The following SGCD variants were observed in gnomAD, a reference collection of about 807,000 sequenced individuals.
SGCD encodes sarcoglycan delta.
In SGCD, 18 loss-of-function variants were observed where a neutral mutation model predicts 36.6. The observed-to-expected ratio is 0.49, with a 90% CI of 0.34 to 0.73. SGCD has a LOEUF of 0.73. Among genes scored for constraint, SGCD ranks in the 30% least tolerant of loss-of-function variants. SGCD has a pLI of 0.01. For missense variants in SGCD, 387 were observed against 346.7 expected (o/e 1.12, Z -0.92); for synonymous variants, 133 against 130.6 (o/e 1.02, Z -0.12).
At chr5:155,890,383 G>A (rs148948600) in intron 1 of SGCD, among the ~76,000 whole-genome samples, 1,716 of 152,250 alleles carry the variant, frequency 0.011, 31 homozygotes, top group African/African-American at 0.038. Context: ...CAGCACTTTG[G>A]GAGACTGAGG....
rs527339658 is a variant in SGCD at position 155,920,155 on chromosome 5, C to T, written c.-282+49731C>T. ...TGAAATGATCAACATCTAACCCTGGCTTCCTGGTTGGGACACACTGCAATA... is the reference window on the plus strand; with the variant it reads ...TGAAATGATCAACATCTAACCCTGGTTTCCTGGTTGGGACACACTGCAATA... On this transcript the variant is annotated intron_variant, in intron 1 of 9. Transcript: ENST00000517913. Among the ~76,000 whole-genome samples the T allele has an allele frequency of 7.9e-5, 12 of 152,292 alleles. No individual in the cohort carries two copies. In the South Asian group the frequency reaches 2.1e-3, roughly 26 times the overall value.
intron 3 of SGCD, among the ~76,000 whole-genome samples, chr5:156,237,078 A>T (rs1277069745): frequency 6.6e-6 from 1 of 151,648 alleles, no homozygotes; most frequent in Non-Finnish European, 1.5e-5. Flanking sequence ...CAGTTGATTC[A>T]TGTGCCTTGG....
rs1581100634 is a variant in SGCD at position 156,512,483 on chromosome 5, A to G, written c.294+3781A>G. Reference sequence around the variant, plus strand: ...GCCTGGGTGTGTAGTAGAGTACACCATCTAGGTTGGTGTAAGGACACTCTA... The same window carrying G: ...GCCTGGGTGTGTAGTAGAGTACACCGTCTAGGTTGGTGTAAGGACACTCTA... On this transcript the variant is annotated intron_variant, in intron 4 of 8. Transcript: ENST00000337851. Among the ~76,000 whole-genome samples the G allele has an allele frequency of 2.6e-5, 4 of 152,310 alleles. No individual in the cohort carries two copies. The South Asian group carries it at 8.3e-4, about 32-fold the overall frequency.
chr5:156,490,857 G>A lies in SGCD; in HGVS notation c.193-17744G>A, dbSNP rs773648574. ...CATAGTACTAGAAGTTCTAGCAAGC[G>A]CATTCAGTCAGGAGGAAAAAATTAA... On this transcript the variant is annotated intron_variant, in intron 3 of 8. Coordinates refer to ENST00000337851, the MANE Select transcript of SGCD (RefSeq NM_000337.6). 5.9e-5 allele frequency among the ~76,000 whole-genome samples: 9 copies of A among 151,998 alleles called. No individual in the cohort carries two copies. In the South Asian group the frequency reaches 6.2e-4, roughly 10 times the overall value.
chr5:156,137,274 C>T (rs1314792236), intron 3 of SGCD, among the ~76,000 whole-genome samples: 1 of 152,216 alleles, frequency 6.6e-6, no homozygotes, highest in Admixed American at 6.5e-5. Context: ...GAAAGCCAGC[C>T]AGTGCTGCAG....
In SGCD at chr5:156,159,958, A is replaced by G. The variant is rs998602415; in HGVS notation, c.-44+35939A>G. Among the ~76,000 whole-genome samples the G allele has an allele frequency of 9.3e-4, 141 of 151,720 alleles. 5 individuals carry two copies. Among genetic ancestry groups the G allele is most frequent in the African/African-American group, 3.3e-3 (134 of 41,094 alleles). On this transcript the variant is annotated intron_variant, in intron 3 of 9. Transcript: ENST00000517913. Reference sequence around the variant, plus strand: ...AGCTGACATATTTTTCTTAAGTCCCATGGAAGACTTGAGTTTGAAAGAAAA... The same window carrying G: ...AGCTGACATATTTTTCTTAAGTCCCGTGGAAGACTTGAGTTTGAAAGAAAA...
chr5:155,903,256 C>G (rs995151262), intron 1 of SGCD, among the ~76,000 whole-genome samples: 3 of 152,082 alleles, frequency 2.0e-5, no homozygotes, highest in Admixed American at 2.0e-4. Flanking sequence ...TCAGTTTCTC[C>G]TTTTTCCTTT....
intron 3 of SGCD, among the ~76,000 whole-genome samples, chr5:156,127,499 C>T (rs1490403267): frequency 6.6e-6 from 1 of 151,902 alleles, no homozygotes; most frequent in African/African-American, 2.4e-5. Flanking sequence ...TACCTATAGT[C>T]CTAGATACTC....
intron 3 of SGCD, among the ~76,000 whole-genome samples, chr5:156,236,822 G>GGA (rs1026496409): frequency 2.6e-5 from 4 of 151,238 alleles, no homozygotes; most frequent in Admixed American, 1.3e-4. Context: ...GTAGGGTAAT[G>GGA]GATTGCTGAG....
upstream of SGCD, among the ~76,000 whole-genome samples, chr5:155,869,737 A>C (rs778318489): frequency 6.6e-6 from 1 of 152,020 alleles, no homozygotes; most frequent in Non-Finnish European, 1.5e-5. Flanking sequence ...ATGGTGGCTC[A>C]TGCCTGTAAT....
chr5:156,577,219 G>A (rs1381712840), intron 4 of SGCD, among the ~76,000 whole-genome samples: 1 of 152,196 alleles, frequency 6.6e-6, no homozygotes, highest in Non-Finnish European at 1.5e-5. Context: ...TCAAAGATCA[G>A]ATGGTTGTAG....
At chr5:156,502,000 A>G (rs906961120) in intron 3 of SGCD, among the ~76,000 whole-genome samples, 1 of 151,956 alleles carries the variant, frequency 6.6e-6, no homozygotes, top group East Asian at 1.9e-4. Flanking sequence ...CTGTTTTTCT[A>G]ATTACTGTTT....
the SGCD span, among the ~76,000 whole-genome samples, chr5:155,828,221 A>G: frequency 6.6e-6 from 1 of 152,118 alleles, no homozygotes; most frequent in African/African-American, 2.4e-5. Context: ...TTTGTCAGGC[A>G]TTTTATGTAC....
At chr5:156,529,423 C>CA (rs397884521) in intron 4 of SGCD, among the ~76,000 whole-genome samples, 13,942 of 58,312 alleles carry the variant, frequency 0.24, 1,379 homozygotes, top group Non-Finnish European at 0.29. Context: ...GACTCTGTCT[C>CA]AAAAAAAAAA....
intron 1 of SGCD, among the ~76,000 whole-genome samples, chr5:156,019,311 A>G (rs560950783): frequency 2.6e-5 from 4 of 152,290 alleles, no homozygotes; most frequent in Non-Finnish European, 4.4e-5. Flanking sequence ...TTGGACTCAG[A>G]ACCTTGAACG....
At chr5:156,421,549 C>T (rs1773310298) in intron 3 of SGCD, among the ~76,000 whole-genome samples, 1 of 152,088 alleles carries the variant, frequency 6.6e-6, no homozygotes, top group African/African-American at 2.4e-5. Context: ...ATATCATCCT[C>T]ATACTTGGTA....
chr5:156,379,884 ACT>A (rs1377409747), intron 3 of SGCD, among the ~76,000 whole-genome samples: 4 of 152,150 alleles, frequency 2.6e-5, no homozygotes, highest in Non-Finnish European at 5.9e-5. Flanking sequence ...TGTTCAGAAA[ACT>A]CTCTTAGGAA....
At chr5:156,695,504 GATAGATGGATA>G (rs1561861847) in intron 7 of SGCD, among the ~76,000 whole-genome samples, 3 of 108,568 alleles carry the variant, frequency 2.8e-5, no homozygotes, top group Non-Finnish European at 5.1e-5. Flanking sequence ...TAGATAGATA[GATAGATGGATA>G]GATAGATAGA....
chr5:156,008,309 C>A (rs571806566), intron 1 of SGCD, among the ~76,000 whole-genome samples: 3 of 152,148 alleles, frequency 2.0e-5, no homozygotes, highest in African/African-American at 7.2e-5. Flanking sequence ...CCTTGACTTA[C>A]AGCTGATATG....
Sources: allele counts gnomAD v4.1 joint callset (sites outside exome capture counted in the v4.1 genomes callset), GRCh38; gene constraint gnomAD v4.1.1; transcripts MANE v1.5; gene names NCBI Gene and HGNC (gene_info 2026-07-23, HGNC 2026-07-21).